DCHS2: variants seen among roughly 807,000 people sequenced by gnomAD.
DCHS2 encodes the protein dachsous cadherin-related 2, also known as protocadherin-23.
In DCHS2, 142 loss-of-function variants were observed where a neutral mutation model predicts 182.4. The ratio of observed to expected loss-of-function variants is 0.78; its 90% CI spans 0.68 to 0.89. The LOEUF (loss-of-function observed/expected upper bound fraction) is 0.89. Ranked by LOEUF, DCHS2 falls within the 40% of genes least tolerant of loss-of-function variation. The pLI is 0.00. For synonymous variants in DCHS2, 1,740 were observed against 1,663.3 expected (o/e 1.05, Z -1.12); for missense variants, 4,319 against 4,198.6 (o/e 1.03, Z -0.79).
intron 3 of DCHS2, among the ~76,000 whole-genome samples, chr4:154,344,710 G>A (rs1729275951): frequency 6.6e-6 from 1 of 152,184 alleles, no homozygotes; most frequent in Non-Finnish European, 1.5e-5. Flanking sequence ...GGTGAGCCAT[G>A]GTGTGTCTTG....
intron 1 of DCHS2, among the ~76,000 whole-genome samples, chr4:154,471,890 T>A (rs2111019411): frequency 6.6e-6 from 1 of 152,180 alleles, no homozygotes; most frequent in East Asian, 1.9e-4. Context: ...TGATGCATAG[T>A]TAGGTCGGTG....
intron 1 of DCHS2, among the ~76,000 whole-genome samples, chr4:154,392,541 A>T (rs79968157): frequency 0.013 from 1,970 of 152,304 alleles, 38 homozygotes; most frequent in African/African-American, 0.045. Context: ...ACTATAGCTA[A>T]CTGCTTCAGT....
chr4:154,322,453 T>G lies in DCHS2; in HGVS notation c.4054A>C (p.Asn1352His). The change falls in exon 8 of 20, where the codon AAT becomes CAT. Residue 1352 changes from asparagine (N) to histidine (H), a missense_variant. By Grantham distance (68) the Asn-to-His change is moderately conservative. Transcript: ENST00000357232. ...ATTGTGGTTGTTCTTATTTCACCAT[T>G]GTTGGCGTCAATCTTAAAGTGATCA... Reference protein sequence around the residue: ...SSDHFKIDANNGEIRTTTILS... With the variant: ...SSDHFKIDANHGEIRTTTILS... 3 of 1,613,436 alleles carry G rather than the reference T, an allele frequency of 1.9e-6. No homozygotes were observed. In the African/African-American group the frequency reaches 4.0e-5, roughly 21 times the overall value.
chr4:154,378,073 A>C (rs1353427020), intron 1 of DCHS2, among the ~76,000 whole-genome samples: 2 of 152,162 alleles, frequency 1.3e-5, no homozygotes, highest in Non-Finnish European at 2.9e-5. Context: ...GCCTGTAGGT[A>C]CATGGGGAAT....
At chr4:154,437,855 T>C (rs550722340) in intron 1 of DCHS2, among the ~76,000 whole-genome samples, 2 of 152,274 alleles carry the variant, frequency 1.3e-5, no homozygotes, top group African/African-American at 4.8e-5. Context: ...AGTTATACAG[T>C]AGAGATTTGA....
intron 1 of DCHS2, among the ~76,000 whole-genome samples, chr4:154,411,194 A>G (rs1051306687): frequency 3.3e-5 from 5 of 152,226 alleles, no homozygotes; most frequent in African/African-American, 1.2e-4. Context: ...AAGGTCAAAT[A>G]CATAGTGATA....
chr4:154,403,382 A>G (rs1304447878), intron 1 of DCHS2, among the ~76,000 whole-genome samples: 1 of 152,090 alleles, frequency 6.6e-6, no homozygotes, highest in Admixed American at 6.5e-5. Context: ...GTTTTTTCAA[A>G]TACTTTTGCT....
intron 7 of DCHS2, 179 bp from the exon 8 acceptor site, chr4:154,322,667 A>G: frequency 1.2e-6 from 1 of 807,376 alleles, no homozygotes; most frequent in East Asian, 3.1e-5. Flanking sequence ...AATTTTTATT[A>G]TGGAAAATGC....
In DCHS2 at chr4:154,236,106, C is replaced by G; in HGVS notation, c.8546G>C (p.Cys2849Ser). The G allele has an allele frequency of 6.2e-7, 1 of 1,613,694 alleles. No individual in the cohort carries two copies. Among genetic ancestry groups the G allele is most frequent in the Non-Finnish European group, 8.5e-7 (1 of 1,179,954 alleles). ...TTTGTCTTTGGCTTGGACTGTGAGG[C>G]AGTATTTATTGCCATTTTCATAGTC... Reference protein sequence around the residue: ...ILDYENGNKYCLTVQAKDKGD... With the variant: ...ILDYENGNKYSLTVQAKDKGD... Residue 2849 changes from cysteine to serine, a missense_variant, in exon 20 of 20, where the codon TGC (cysteine) becomes TCC (serine). Coordinates refer to ENST00000357232, the MANE Select transcript of DCHS2 (RefSeq NM_001358235.2).
chr4:154,309,663 A>G (rs996975104), intron 10 of DCHS2, among the ~76,000 whole-genome samples: 6 of 152,174 alleles, frequency 3.9e-5, no homozygotes, highest in African/African-American at 1.4e-4. Context: ...GTCTCAGGTA[A>G]CAGGGACTCT....
intron 13 of DCHS2, among the ~76,000 whole-genome samples, chr4:154,274,820 C>T (rs1281072015): frequency 6.6e-6 from 1 of 151,832 alleles, no homozygotes; most frequent in Non-Finnish European, 1.5e-5. Flanking sequence ...TTTTTTTTAA[C>T]TAACTTTTTT....
Position 154,236,902 on chromosome 4 carries a change from A to G in DCHS2, c.7750T>C (p.Tyr2584His), listed in dbSNP as rs746920179. The change falls in exon 20 of 20, where the codon TAT (tyrosine) becomes CAT (histidine). Residue 2584 changes from tyrosine to histidine, a missense_variant. Coordinates refer to ENST00000357232, the MANE Select transcript of DCHS2 (RefSeq NM_001358235.2). Reference sequence around the variant, plus strand: ...CCACTGATGATGGAATATTCAACATATGTGTTTTCACGGGTCCAGTCATGG... The same window carrying G: ...CCACTGATGATGGAATATTCAACATGTGTGTTTTCACGGGTCCAGTCATGG... ...IDHDWTRENT[Y>H]VEYSIISGNS... The G allele has an allele frequency of 1.2e-6, 2 of 1,613,968 alleles. No individual in the cohort carries two copies. Among genetic ancestry groups the G allele is most frequent in the East Asian group, 2.2e-5 (1 of 44,884 alleles).
chr4:154,415,980 A>G (rs1732818030), intron 1 of DCHS2, among the ~76,000 whole-genome samples: 1 of 152,060 alleles, frequency 6.6e-6, no homozygotes, highest in Non-Finnish European at 1.5e-5. Context: ...TCATGTATAC[A>G]TTCACATTTA....
intron 13 of DCHS2, among the ~76,000 whole-genome samples, chr4:154,297,335 T>C (rs556982119): frequency 6.6e-6 from 1 of 152,350 alleles, no homozygotes; most frequent in South Asian, 2.1e-4. Flanking sequence ...TCCCAACCTA[T>C]TGCTTCAGAT....
intron 1 of DCHS2, among the ~76,000 whole-genome samples, chr4:154,392,972 C>T (rs1731773679): frequency 6.6e-6 from 1 of 152,098 alleles, no homozygotes; most frequent in Non-Finnish European, 1.5e-5. Context: ...TGTACTAAGG[C>T]TTCCTGATTT....
chr4:154,280,271 C>T (rs1160146250), intron 13 of DCHS2, among the ~76,000 whole-genome samples: 1 of 152,096 alleles, frequency 6.6e-6, no homozygotes, highest in Non-Finnish European at 1.5e-5. Flanking sequence ...GACCAGATGG[C>T]ATCACTGGAG....
At position 154,489,850 on chromosome 4, in the gene DCHS2, G is replaced by A; in HGVS notation, c.1506C>T (p.Arg502=). 1.9e-6 allele frequency: 3 copies of A among 1,548,820 alleles called. No homozygotes were observed. The highest frequency in any genetic ancestry group is 1.2e-5 in the South Asian group (1 of 83,966). Reference sequence around the variant, plus strand: ...CCACCAGTAGTAACTCATACAGATCGCGGCTCTCTCTGTCCAGGGGCCCCT... The same window carrying A: ...CCACCAGTAGTAACTCATACAGATCACGGCTCTCTCTGTCCAGGGGCCCCT... ...CVEGPLDRES[R]DLYELLLVAT... is the part of the protein sequence containing the mutation. The change falls in exon 1 of 20, where the codon CGC becomes CGT. Residue 502 remains arginine, a synonymous_variant. Coordinates refer to ENST00000357232, the MANE Select transcript of DCHS2 (RefSeq NM_001358235.2).
At chr4:154,402,314 A>G (rs1732218932) in intron 1 of DCHS2, among the ~76,000 whole-genome samples, 2 of 152,210 alleles carry the variant, frequency 1.3e-5, no homozygotes, top group South Asian at 4.1e-4. Context: ...CAAGTAGGGA[A>G]AGTTCCCCAT....
chr4:154,458,885 C>A (rs1490677), intron 1 of DCHS2, among the ~76,000 whole-genome samples: 25,193 of 152,112 alleles, frequency 0.17, 2,546 homozygotes, highest in Admixed American at 0.28. Context: ...CAGATGCATA[C>A]ACAGCAGAGT....
Sources: allele counts gnomAD v4.1 joint callset (sites outside exome capture counted in the v4.1 genomes callset), GRCh38; gene constraint gnomAD v4.1.1; transcripts MANE v1.5; gene names NCBI Gene and HGNC (gene_info 2026-07-23, HGNC 2026-07-21).